The following ADAM22 variants were observed in gnomAD, a reference collection of about 807,000 sequenced individuals.
ADAM22 encodes ADAM metallopeptidase domain 22.
In ADAM22, 65 loss-of-function variants were observed where a neutral mutation model predicts 144.6. The observed-to-expected ratio is 0.45, with a 90% CI of 0.37 to 0.55. The LOEUF is 0.55. ADAM22 is among the 20% of genes least tolerant of loss of function. ADAM22 has a pLI of 0.00. For missense variants in ADAM22, 974 were observed against 1,184.9 expected, an observed-to-expected ratio of 0.82 and a Z score of 2.61; for synonymous variants, 391 against 412.6, an observed-to-expected ratio of 0.95 and a Z score of 0.63.
intron 2 of ADAM22, among the ~76,000 whole-genome samples, chr7:87,962,749 G>T (rs939426724): frequency 2.0e-5 from 3 of 151,922 alleles, no homozygotes; most frequent in African/African-American, 7.3e-5. Context: ...GCAGCAGCTC[G>T]TTCTGTGCAT....
chr7:88,168,383 G>C, intron 25 of ADAM22, 156 bp downstream of exon 25: 2 of 740,788 alleles, frequency 2.7e-6, no homozygotes, highest in Non-Finnish European at 4.8e-6. Flanking sequence ...TCTTGGCATG[G>C]CGAGAAGTGA....
At chr7:88,056,118 A>G (rs1585310420) in intron 3 of ADAM22, among the ~76,000 whole-genome samples, 1 of 152,194 alleles carries the variant, frequency 6.6e-6, no homozygotes, top group Non-Finnish European at 1.5e-5. Context: ...AAAAATGTTT[A>G]TGGAGTCCCT....
intron 2 of ADAM22, among the ~76,000 whole-genome samples, chr7:87,961,546 C>T (rs982360152): frequency 1.3e-5 from 2 of 152,156 alleles, no homozygotes; most frequent in African/African-American, 4.8e-5. Flanking sequence ...CTTCCATGCA[C>T]TTAAATGTAG....
At position 88,054,590 on chromosome 7, in the gene ADAM22, G is replaced by C. The variant is rs1807656100; in HGVS notation, c.324-21036G>C. The stretch of plus-strand genomic sequence containing the variant: ...TCCAGGCCTGATTAGGTGCCCTCCT[G>C]TGTGTGTGTGTGTGTGTGTGTGTGT... On this transcript the variant is annotated intron_variant, in intron 3 of 31. Transcript: ENST00000413139. Among the ~76,000 whole-genome samples, 3 of 72,120 alleles carry C rather than the reference G, an allele frequency of 4.2e-5. No individual in the cohort carries two copies. In the Admixed American group the frequency reaches 4.8e-4, roughly 11 times the overall value. 47.3% of individuals were successfully genotyped at this position (72,120 alleles called of 152,430 possible). A position where few individuals can be genotyped will look rare whatever the true frequency, so the allele number is the denominator to read the frequency against.
intron 3 of ADAM22, among the ~76,000 whole-genome samples, chr7:88,051,059 A>G (rs141461293): frequency 0.03 from 4,521 of 152,202 alleles, 215 homozygotes; most frequent in African/African-American, 0.1. Context: ...ACAACAGGTG[A>G]TGGAGAGGAT....
intron 3 of ADAM22, among the ~76,000 whole-genome samples, chr7:88,065,786 C>T (rs1403689638): frequency 6.6e-6 from 1 of 152,020 alleles, no homozygotes; most frequent in Non-Finnish European, 1.5e-5. Context: ...AGCTACACAT[C>T]TATTTTAAAA....
intron 3 of ADAM22, among the ~76,000 whole-genome samples, chr7:88,052,265 A>C (rs775463142): frequency 6.6e-6 from 1 of 151,360 alleles, no homozygotes; most frequent in Non-Finnish European, 1.5e-5. Flanking sequence ...TGGGAGACCG[A>C]GTCGGGCAGA....
intron 6 of ADAM22, among the ~76,000 whole-genome samples, chr7:88,115,191 G>C (rs1827443004): frequency 6.6e-6 from 1 of 152,190 alleles, no homozygotes; most frequent in Admixed American, 6.5e-5. Context: ...GCTCCAGCCT[G>C]GGTGACAGAA....
At chr7:87,953,642 T>C (rs1172952634) in intron 2 of ADAM22, among the ~76,000 whole-genome samples, 2 of 152,206 alleles carry the variant, frequency 1.3e-5, no homozygotes, top group Non-Finnish European at 2.9e-5. Flanking sequence ...GAGAGTTCTG[T>C]AGCTGTCTAT....
At chr7:87,992,814 C>T (rs538286226) in intron 3 of ADAM22, among the ~76,000 whole-genome samples, 3 of 152,202 alleles carry the variant, frequency 2.0e-5, no homozygotes, top group East Asian at 3.9e-4. Context: ...GCTGCTTTGT[C>T]ATTCTTGGGT....
intron 3 of ADAM22, among the ~76,000 whole-genome samples, chr7:88,014,625 C>T (rs1796154865): frequency 6.6e-6 from 1 of 152,052 alleles, no homozygotes; most frequent in Non-Finnish European, 1.5e-5. Flanking sequence ...CACCTGTAAT[C>T]CCAGCTACTC....
intron 3 of ADAM22, among the ~76,000 whole-genome samples, chr7:88,032,974 C>T (rs933923361): frequency 3.3e-5 from 5 of 152,150 alleles, no homozygotes; most frequent in African/African-American, 7.2e-5. Flanking sequence ...AACTGTGAGC[C>T]GATCCAACCT....
chr7:87,974,303 C>CAAAAAAAAAAAAAAAGAAAAAAAAAAAAA (rs1851337791), intron 2 of ADAM22, among the ~76,000 whole-genome samples: 1 of 112,354 alleles, frequency 8.9e-6, no homozygotes, highest in Non-Finnish European at 1.9e-5. Context: ...GACTCTGTCT[C>CAAAAAAAAAAAAAAAGAAAAAAAAAAAAA]AAAAAAAAAA....
chr7:87,973,332 G>A (rs1413779901), intron 2 of ADAM22, among the ~76,000 whole-genome samples: 4 of 152,150 alleles, frequency 2.6e-5, no homozygotes, highest in Admixed American at 2.6e-4. Flanking sequence ...AAAACACATG[G>A]AGAAGTGCTC....
chr7:87,977,506 C>G (rs965490127), intron 2 of ADAM22, among the ~76,000 whole-genome samples: 3 of 152,182 alleles, frequency 2.0e-5, no homozygotes, highest in African/African-American at 4.8e-5. Flanking sequence ...ACTGTAGAAA[C>G]ATAAACACGA....
intron 4 of ADAM22, among the ~76,000 whole-genome samples, chr7:88,098,313 G>A (rs1822007899): frequency 6.6e-6 from 1 of 152,090 alleles, no homozygotes; most frequent in Non-Finnish European, 1.5e-5. Context: ...TGCCATGGTA[G>A]ACACCTCCAG....
At chr7:88,140,116 T>A (rs1475399998) in intron 14 of ADAM22, among the ~76,000 whole-genome samples, 1 of 151,994 alleles carries the variant, frequency 6.6e-6, no homozygotes, top group Non-Finnish European at 1.5e-5. Flanking sequence ...TAGGCTCTTT[T>A]TAACAACCGA....
intron 3 of ADAM22, among the ~76,000 whole-genome samples, chr7:88,005,027 C>A (rs1209192679): frequency 6.6e-6 from 1 of 152,040 alleles, no homozygotes; most frequent in African/African-American, 2.4e-5. Flanking sequence ...CATAGAGGTG[C>A]ATTCTTGTAG....
intron 7 of ADAM22, among the ~76,000 whole-genome samples, chr7:88,120,949 T>C (rs1829140503): frequency 6.6e-6 from 1 of 152,054 alleles, no homozygotes; most frequent in African/African-American, 2.4e-5. Context: ...TGGTGAAAAG[T>C]AGGGGTTAAG....
Sources: gnomAD v4.1 joint callset for allele counts (sites outside exome capture counted in the v4.1 genomes callset) on GRCh38, gnomAD v4.1.1 for gene constraint, MANE v1.5 for transcripts, NCBI Gene and HGNC (gene_info 2026-07-23, HGNC 2026-07-21) for gene names.